Variants in EPHA6 observed in about 807,000 individuals in gnomAD.
The protein encoded by EPHA6 is ephrin type-A receptor 6.
EPHA6 carries 50 observed loss-of-function variants against 112.0 expected under a neutral mutation model. The observed-to-expected ratio is 0.45, with a 90% CI of 0.36 to 0.56. EPHA6 has a LOEUF of 0.56. Among genes scored for constraint, EPHA6 ranks in the 20% least tolerant of loss-of-function variants. The pLI is 0.00. For synonymous variants in EPHA6, 529 were observed against 490.7 expected (o/e 1.08, Z -1.03); for missense variants, 1,280 against 1,417.4 (o/e 0.90, Z 1.56).
intron 3 of EPHA6, among the ~76,000 whole-genome samples, chr3:97,122,108 A>G (rs2048058472): frequency 6.6e-6 from 1 of 152,120 alleles, no homozygotes; most frequent in Admixed American, 6.6e-5. Flanking sequence ...AATGATTACC[A>G]TATTTGATAA....
chr3:97,729,431 C>T (rs188229296), intron 15 of EPHA6, among the ~76,000 whole-genome samples: 3 of 152,172 alleles, frequency 2.0e-5, no homozygotes, highest in Admixed American at 6.5e-5. Flanking sequence ...GCATGTCTTA[C>T]GTGGTGGCAG....
rs948748778 is a variant in EPHA6, at chr3:97,185,855, C to G, written c.1115-40409C>G. Reference sequence around the variant, plus strand: ...TAGACTGGATTAAGAAAATGTGGCACATATACACCATGGAATACCATGCAG... The same window carrying G: ...TAGACTGGATTAAGAAAATGTGGCAGATATACACCATGGAATACCATGCAG... On this transcript the variant is annotated intron_variant, in intron 3 of 17. Coordinates refer to ENST00000389672, the MANE Select transcript of EPHA6 (RefSeq NM_001080448.3). Among the ~76,000 whole-genome samples, 3 of 152,156 alleles carry G rather than the reference C, an allele frequency of 2.0e-5. No homozygotes were observed. The East Asian group carries it at 5.8e-4, about 29-fold the overall frequency.
chr3:96,965,306 T>G (rs2042084854), intron 2 of EPHA6, among the ~76,000 whole-genome samples: 1 of 152,136 alleles, frequency 6.6e-6, no homozygotes, highest in South Asian at 2.1e-4. Context: ...TAACACCGTA[T>G]AAGGCTTCTT....
At chr3:97,452,285 C>T (rs1338797226) in intron 7 of EPHA6, among the ~76,000 whole-genome samples, 1 of 151,754 alleles carries the variant, frequency 6.6e-6, no homozygotes, top group Non-Finnish European at 1.5e-5. Context: ...TCTACTTGAA[C>T]TGGAGCTATT....
chr3:97,162,709 A>G (rs1201293741), intron 3 of EPHA6, among the ~76,000 whole-genome samples: 1 of 152,096 alleles, frequency 6.6e-6, no homozygotes, highest in African/African-American at 2.4e-5. Flanking sequence ...CCTCAAGGGT[A>G]CCCAGCCTCC....
chr3:97,663,136 T>C (rs1413724946), intron 14 of EPHA6, among the ~76,000 whole-genome samples: 1 of 152,122 alleles, frequency 6.6e-6, no homozygotes, highest in Non-Finnish European at 1.5e-5. Context: ...GTAGGAAGTA[T>C]CATGGGGTAG....
intron 3 of EPHA6, among the ~76,000 whole-genome samples, chr3:97,188,545 T>A (rs1357059070): frequency 6.6e-6 from 1 of 151,990 alleles, no homozygotes; most frequent in Non-Finnish European, 1.5e-5. Context: ...AAGATTTTAT[T>A]TGCTTTAGAA....
chr3:96,936,379 G>C (rs1215375322), intron 2 of EPHA6, among the ~76,000 whole-genome samples: 1 of 151,568 alleles, frequency 6.6e-6, no homozygotes, highest in Non-Finnish European at 1.5e-5. Flanking sequence ...TCATGTATCT[G>C]CTTTACATAA....
chr3:96,990,949 TTTC>T (rs2043193419), intron 3 of EPHA6, among the ~76,000 whole-genome samples: 1 of 152,220 alleles, frequency 6.6e-6, no homozygotes, highest in South Asian at 2.1e-4. Flanking sequence ...TATCACTATT[TTTC>T]TTCTTGTCTA....
At chr3:96,909,695 A>T (rs1242644372) in intron 2 of EPHA6, among the ~76,000 whole-genome samples, 1 of 152,086 alleles carries the variant, frequency 6.6e-6, no homozygotes, top group East Asian at 1.9e-4. Context: ...AGGAACCCTT[A>T]TAGTGCCTTA....
chr3:97,664,477 C>A (rs1389233875), intron 14 of EPHA6, among the ~76,000 whole-genome samples: 1 of 152,110 alleles, frequency 6.6e-6, no homozygotes, highest in Non-Finnish European at 1.5e-5. Context: ...CCAGGGCAAT[C>A]AGGCAGGAGA....
At chr3:96,929,511 T>G (rs143468089) in intron 2 of EPHA6, among the ~76,000 whole-genome samples, 1 of 152,242 alleles carries the variant, frequency 6.6e-6, no homozygotes, top group African/African-American at 2.4e-5. Context: ...TGGACTGATA[T>G]GAAATTCTGG....
At chr3:97,036,007 C>T (rs1368057087) in intron 3 of EPHA6, among the ~76,000 whole-genome samples, 1 of 151,922 alleles carries the variant, frequency 6.6e-6, no homozygotes, top group Non-Finnish European at 1.5e-5. Context: ...AGAATGCTTC[C>T]TTGTCCCATC....
intron 3 of EPHA6, among the ~76,000 whole-genome samples, chr3:97,022,531 G>A (rs1005828621): frequency 1.3e-5 from 2 of 152,160 alleles, no homozygotes; most frequent in Non-Finnish European, 2.9e-5. Context: ...TGGGCTTCAA[G>A]ACATCTCTTT....
At chr3:97,432,432 T>C (rs1027668774) in intron 6 of EPHA6, among the ~76,000 whole-genome samples, 1 of 152,132 alleles carries the variant, frequency 6.6e-6, no homozygotes, top group Non-Finnish European at 1.5e-5. Context: ...CATTACAATA[T>C]TGTAAGGTGG....
intron 11 of EPHA6, among the ~76,000 whole-genome samples, chr3:97,560,803 TTGCG>T (rs1174209878): frequency 2.6e-5 from 4 of 152,060 alleles, no homozygotes; most frequent in African/African-American, 9.7e-5. Context: ...TTCACAGGTA[TTGCG>T]TTTTTTACAA....
chr3:97,496,839 A>G (rs2091991753), intron 10 of EPHA6, among the ~76,000 whole-genome samples: 1 of 152,022 alleles, frequency 6.6e-6, no homozygotes, highest in African/African-American at 2.4e-5. Context: ...CTGCCTCAGC[A>G]GAACCAACAG....
intron 14 of EPHA6, among the ~76,000 whole-genome samples, chr3:97,678,156 T>C (rs1053775095): frequency 2.6e-5 from 4 of 152,064 alleles, no homozygotes; most frequent in Non-Finnish European, 4.4e-5. Context: ...TGACTGGAAA[T>C]CTGGTGCCTT....
rs565668421 is a variant in EPHA6 at position 96,998,512 on chromosome 3, T to C, written c.1114+10519T>C. On this transcript the variant is annotated intron_variant, in intron 3 of 17. Coordinates refer to ENST00000389672, the MANE Select transcript of EPHA6 (RefSeq NM_001080448.3). Reference sequence around the variant, plus strand: ...TATTTTTTCTCTCCCTCTTCAATGATTGTTTATTTAGATGTAGAATACAAG... The same window carrying C: ...TATTTTTTCTCTCCCTCTTCAATGACTGTTTATTTAGATGTAGAATACAAG... Among the ~76,000 whole-genome samples the C allele has an allele frequency of 6.8e-4, 103 of 151,976 alleles. 2 individuals carry two copies. In the South Asian group the frequency reaches 0.021, roughly 31 times the overall value.
Sources: allele counts gnomAD v4.1 joint callset (sites outside exome capture counted in the v4.1 genomes callset), GRCh38; gene constraint gnomAD v4.1.1; transcripts MANE v1.5; gene names NCBI Gene and HGNC (gene_info 2026-07-23, HGNC 2026-07-21).